Variants in TLL2 observed in about 807,000 individuals in gnomAD.
TLL2 encodes the protein tolloid-like protein 2.
A neutral mutation model predicts 123.0 loss-of-function variants in TLL2; 106 were observed. The observed-to-expected ratio is 0.86, with a 90% confidence interval of 0.74 to 1.01. The LOEUF (loss-of-function observed/expected upper bound fraction) is 1.01. Among genes scored for constraint, TLL2 ranks in the 50% least tolerant of loss-of-function variants. TLL2 has a pLI of 0.00. For synonymous variants in TLL2, 494 were observed against 516.8 expected (o/e 0.96, Z 0.60); for missense variants, 1,332 against 1,336.7 (o/e 1.00, Z 0.06).
At chr10:96,476,240 A>ATATATATTCTTTTT in intron 2 of TLL2, among the ~76,000 whole-genome samples, 1 of 20,502 alleles carries the variant, frequency 4.9e-5, no homozygotes, top group African/African-American at 1.7e-4. Context: ...ATATATATAT[A>ATATATATTCTTTTT]TTTTATTTTT....
At chr10:96,497,533 T>C (rs564398258) in intron 1 of TLL2, among the ~76,000 whole-genome samples, 82 of 152,262 alleles carry the variant, frequency 5.4e-4, no homozygotes, top group African/African-American at 1.6e-3. Context: ...TGGCAGACCC[T>C]AGGGAAGAGG....
intron 19 of TLL2, among the ~76,000 whole-genome samples, chr10:96,370,792 T>G (rs1009550233): frequency 1.3e-5 from 2 of 152,106 alleles, no homozygotes; most frequent in South Asian, 2.1e-4. Flanking sequence ...GCGGGTAAGC[T>G]CTCAACCCTG....
At chr10:96,414,051 T>C (rs1249853642) in intron 7 of TLL2, among the ~76,000 whole-genome samples, 2 of 152,144 alleles carry the variant, frequency 1.3e-5, no homozygotes, top group Admixed American at 6.5e-5. Context: ...GACTGAAATC[T>C]AAAATGACAG....
chr10:96,377,554 T>C (rs1846149339), intron 17 of TLL2, among the ~76,000 whole-genome samples: 1 of 152,122 alleles, frequency 6.6e-6, no homozygotes, highest in African/African-American at 2.4e-5. Context: ...TTGGAGAGGG[T>C]CAGTGCCTTG....
At chr10:96,497,479 G>C (rs1456342999) in intron 1 of TLL2, among the ~76,000 whole-genome samples, 2 of 152,088 alleles carry the variant, frequency 1.3e-5, no homozygotes, top group Non-Finnish European at 2.9e-5. Context: ...GTTTCCCCTC[G>C]GGTTTCCTCC....
intron 13 of TLL2, among the ~76,000 whole-genome samples, chr10:96,387,960 C>T (rs1368449664): frequency 1.3e-5 from 2 of 152,124 alleles, no homozygotes; most frequent in African/African-American, 2.4e-5. Flanking sequence ...ATGTGGCCTA[C>T]CAGAGCGAGA....
intron 2 of TLL2, among the ~76,000 whole-genome samples, chr10:96,473,280 C>A (rs1276943206): frequency 1.5e-4 from 23 of 152,006 alleles, no homozygotes; most frequent in Admixed American, 1.5e-3. Context: ...CGTGGTGAAA[C>A]CCTGTCTCTA....
At chr10:96,390,750 G>A (rs181444825) in intron 13 of TLL2, among the ~76,000 whole-genome samples, 4 of 152,348 alleles carry the variant, frequency 2.6e-5, no homozygotes, top group Admixed American at 6.5e-5. Flanking sequence ...CTGGGCTGGG[G>A]AAGCTGGCTG....
chr10:96,364,796 T>C lies in TLL2; in HGVS notation c.*3292A>G, dbSNP rs1429641626. 6 of 152,658 alleles carry C rather than the reference T, an allele frequency of 3.9e-5. No individual in the cohort carries two copies. The highest frequency in any genetic ancestry group is 9.6e-5 in the African/African-American group (4 of 41,464). 9.5% of individuals were successfully genotyped at this position (152,658 alleles called of 1,614,324 possible). On this transcript the variant is annotated 3_prime_UTR_variant, in exon 21 of 21. Coordinates refer to ENST00000357947, the MANE Select transcript of TLL2 (RefSeq NM_012465.4). ...TAAAAATAAAATTTTAGGCATTTGGTATTACTCTTCAGAAGTTCGGTCTAC... is the reference window on the plus strand; with the variant it reads ...TAAAAATAAAATTTTAGGCATTTGGCATTACTCTTCAGAAGTTCGGTCTAC...
At chr10:96,385,733 C>T (rs1259447101) in intron 15 of TLL2, among the ~76,000 whole-genome samples, 1 of 152,200 alleles carries the variant, frequency 6.6e-6, no homozygotes, top group Non-Finnish European at 1.5e-5. Context: ...CCCCTTTATT[C>T]GCCTCAGCTG....
chr10:96,507,250 G>A (rs1388225125), intron 1 of TLL2, among the ~76,000 whole-genome samples: 4 of 151,962 alleles, frequency 2.6e-5, no homozygotes, highest in African/African-American at 9.7e-5. Context: ...TCGAGCAGCT[G>A]TGCCAGCCAG....
chr10:96,496,893 G>A (rs946989931), intron 1 of TLL2, among the ~76,000 whole-genome samples: 6 of 152,198 alleles, frequency 3.9e-5, no homozygotes, highest in Admixed American at 6.5e-5. Context: ...AGAGAGCCAC[G>A]ATCAATTAGT....
intron 1 of TLL2, among the ~76,000 whole-genome samples, chr10:96,490,165 T>C (rs1276387484): frequency 6.6e-6 from 1 of 151,930 alleles, no homozygotes. Flanking sequence ...ATGACAAAAA[T>C]GTGTTACTAA....
intron 13 of TLL2, among the ~76,000 whole-genome samples, chr10:96,394,367 T>C (rs1218772723): frequency 6.6e-6 from 1 of 152,176 alleles, no homozygotes; most frequent in Non-Finnish European, 1.5e-5. Flanking sequence ...GGGTGTGGTC[T>C]TCAGGGCTTT....
intron 3 of TLL2, among the ~76,000 whole-genome samples, chr10:96,445,017 G>A (rs1488822727): frequency 1.3e-5 from 2 of 152,040 alleles, no homozygotes; most frequent in Admixed American, 6.5e-5. Context: ...GTGAAACCCC[G>A]TCTCTACTAA....
chr10:96,368,334 G>C (rs1048727655), intron 20 of TLL2, 112 bp from the exon 21 acceptor site: 4 of 1,324,708 alleles, frequency 3.0e-6, no homozygotes, highest in Non-Finnish European at 4.1e-6. Context: ...TCTGGTACCA[G>C]AGACTCTGAA....
chr10:96,373,544 G>A lies in TLL2; in HGVS notation c.2662+52C>T. 1.9e-6 allele frequency: 3 copies of A among 1,552,758 alleles called. No homozygotes were observed. In the South Asian group the frequency reaches 3.4e-5, roughly 17 times the overall value. ...CTTGTCGTGCCTTCACCATTTCTCT[G>A]TCTCCTGTCCAAGTGCTCATCAGGT... On this transcript the variant is annotated intron_variant, in intron 19 of 20. Coordinates refer to ENST00000357947, the MANE Select transcript of TLL2 (RefSeq NM_012465.4).
intron 10 of TLL2, among the ~76,000 whole-genome samples, chr10:96,398,629 A>G (rs1489052939): frequency 6.6e-6 from 1 of 152,196 alleles, no homozygotes; most frequent in Non-Finnish European, 1.5e-5. Flanking sequence ...ATTCTTGGCC[A>G]TCTAATCCCT....
chr10:96,473,542 C>A (rs890954708), intron 2 of TLL2, among the ~76,000 whole-genome samples: 7 of 152,162 alleles, frequency 4.6e-5, no homozygotes, highest in African/African-American at 1.7e-4. Flanking sequence ...ATTTTAAACC[C>A]AATACCTAAA....
Sources: allele counts gnomAD v4.1 joint callset (sites outside exome capture counted in the v4.1 genomes callset), GRCh38; gene constraint gnomAD v4.1.1; transcripts MANE v1.5; gene names NCBI Gene and HGNC (gene_info 2026-07-23, HGNC 2026-07-21).